RIT2: variants seen among roughly 807,000 people sequenced by gnomAD.
RIT2 encodes the protein GTP-binding protein Rit2.
RIT2 carries 24 observed loss-of-function variants against 23.7 expected under a neutral mutation model. The ratio of observed to expected loss-of-function variants is 1.01; its 90% CI spans 0.73 to 1.43. The LOEUF (loss-of-function observed/expected upper bound fraction) is 1.43, where lower values mean the gene tolerates loss of function less well. Among genes scored for constraint, RIT2 ranks in the 40% most tolerant of loss-of-function variants. The pLI, the probability that RIT2 is intolerant of heterozygous loss-of-function variation, is 0.00. For missense variants in RIT2, 236 were observed against 266.9 expected (o/e 0.88, Z 0.81); for synonymous variants, 107 against 91.1 (o/e 1.17, Z -0.99).
chr18:42,882,808 T>A (rs1907927851), intron 4 of RIT2, among the ~76,000 whole-genome samples: 1 of 152,184 alleles, frequency 6.6e-6, no homozygotes, highest in Non-Finnish European at 1.5e-5. Flanking sequence ...ATCTCAGAAT[T>A]GCTCCTACAG....
intron 1 of RIT2, among the ~76,000 whole-genome samples, chr18:43,054,468 T>C (rs1386484577): frequency 6.6e-6 from 1 of 152,096 alleles, no homozygotes; most frequent in Admixed American, 6.6e-5. Flanking sequence ...GTGGTCTATA[T>C]GGACTCAAGA....
At chr18:42,837,153 CTTT>C (rs570701535) in intron 4 of RIT2, among the ~76,000 whole-genome samples, 8 of 51,702 alleles carry the variant, frequency 1.5e-4, no homozygotes, top group South Asian at 9.2e-4. Flanking sequence ...TTTTCTTTTT[CTTT>C]TTTTTTTTTT....
intron 4 of RIT2, among the ~76,000 whole-genome samples, chr18:42,797,092 G>C (rs1221953876): frequency 6.6e-6 from 1 of 152,128 alleles, no homozygotes; most frequent in East Asian, 1.9e-4. Context: ...TATCTACAGA[G>C]AGCATCTATA....
chr18:42,839,200 T>C (rs1180686718), intron 4 of RIT2, among the ~76,000 whole-genome samples: 3 of 152,106 alleles, frequency 2.0e-5, no homozygotes, highest in African/African-American at 7.2e-5. Context: ...TGACCTCCAT[T>C]AGAGGGCCAT....
At chr18:42,868,562 A>G (rs2144059683) in intron 4 of RIT2, among the ~76,000 whole-genome samples, 1 of 152,358 alleles carries the variant, frequency 6.6e-6, no homozygotes, top group East Asian at 1.9e-4. Flanking sequence ...TGCTTGTTAG[A>G]TGCTAGGCAG....
At chr18:42,862,421 A>G (rs1907354104) in intron 4 of RIT2, among the ~76,000 whole-genome samples, 1 of 152,216 alleles carries the variant, frequency 6.6e-6, no homozygotes, top group Non-Finnish European at 1.5e-5. Flanking sequence ...AGTTCTTTAT[A>G]GCATGTGAAA....
chr18:42,870,362 T>G (rs1482169590), intron 4 of RIT2, among the ~76,000 whole-genome samples: 1 of 152,094 alleles, frequency 6.6e-6, no homozygotes, highest in East Asian at 1.9e-4. Context: ...TGCCTCAGCC[T>G]CCCACGTAGC....
intron 4 of RIT2, among the ~76,000 whole-genome samples, chr18:42,902,109 G>C (rs1361975291): frequency 6.6e-6 from 1 of 151,704 alleles, no homozygotes; most frequent in Non-Finnish European, 1.5e-5. Flanking sequence ...ATCATGTAAT[G>C]AGTACATTGT....
chr18:42,843,492 A>G (rs1906824647), intron 4 of RIT2, among the ~76,000 whole-genome samples: 1 of 152,198 alleles, frequency 6.6e-6, no homozygotes, highest in South Asian at 2.1e-4. Flanking sequence ...CCAGGGTGTG[A>G]CCACCTGTCT....
At chr18:42,913,925 A>C (rs1908838333) in intron 4 of RIT2, among the ~76,000 whole-genome samples, 1 of 152,138 alleles carries the variant, frequency 6.6e-6, no homozygotes, top group African/African-American at 2.4e-5. Flanking sequence ...TTCACCATGT[A>C]TAATTTTACA....
intron 4 of RIT2, among the ~76,000 whole-genome samples, chr18:42,893,926 A>G (rs754644510): frequency 3.3e-5 from 5 of 152,238 alleles, no homozygotes; most frequent in Non-Finnish European, 7.3e-5. Context: ...TGAAATGTGA[A>G]TGAGCAATAG....
intron 4 of RIT2, among the ~76,000 whole-genome samples, chr18:42,833,856 T>A (rs1408607718): frequency 6.6e-6 from 1 of 151,918 alleles, no homozygotes; most frequent in Non-Finnish European, 1.5e-5. Flanking sequence ...TAAAATAAAA[T>A]AAAAACACAG....
chr18:42,891,055 A>G (rs1908159351), intron 4 of RIT2, among the ~76,000 whole-genome samples: 1 of 152,178 alleles, frequency 6.6e-6, no homozygotes, highest in African/African-American at 2.4e-5. Context: ...TAAACTAAAA[A>G]TAGATCATCA....
At chr18:42,812,000 T>C (rs1905865416) in intron 4 of RIT2, among the ~76,000 whole-genome samples, 1 of 152,066 alleles carries the variant, frequency 6.6e-6, no homozygotes, top group Non-Finnish European at 1.5e-5. Context: ...ATAAAGAAGA[T>C]ACTTGGAAGC....
chr18:42,949,799 T>C (rs1909807191), intron 3 of RIT2, among the ~76,000 whole-genome samples: 1 of 151,190 alleles, frequency 6.6e-6, no homozygotes, highest in Non-Finnish European at 1.5e-5. Context: ...TTTGGTTGAA[T>C]AAAAAAAAAT....
intron 2 of RIT2, among the ~76,000 whole-genome samples, chr18:42,997,900 G>C (rs1002866027): frequency 3.9e-5 from 6 of 152,120 alleles, no homozygotes; most frequent in Non-Finnish European, 8.8e-5. Context: ...CATTGACATA[G>C]AGTTATTTTT....
chr18:42,860,797 G>A (rs146281717), intron 4 of RIT2, among the ~76,000 whole-genome samples: 54 of 152,238 alleles, frequency 3.5e-4, no homozygotes, highest in Non-Finnish European at 6.3e-4. Flanking sequence ...ATGATCCAAA[G>A]AGAAAAAATG....
chr18:43,056,895 A>G (rs1912515282), intron 1 of RIT2, among the ~76,000 whole-genome samples: 2 of 152,064 alleles, frequency 1.3e-5, no homozygotes, highest in Admixed American at 6.6e-5. Context: ...CTGCTTCCTT[A>G]CTCTTGCCCC....
At chr18:43,086,169 A>T (rs1404224868) in intron 1 of RIT2, among the ~76,000 whole-genome samples, 1 of 152,132 alleles carries the variant, frequency 6.6e-6, no homozygotes, top group Non-Finnish European at 1.5e-5. Flanking sequence ...CCCAAAACCC[A>T]AAATATGTTA....
Sources: gnomAD v4.1 joint callset for allele counts (sites outside exome capture counted in the v4.1 genomes callset) on GRCh38, gnomAD v4.1.1 for gene constraint, MANE v1.5 for transcripts, NCBI Gene and HGNC (gene_info 2026-07-23, HGNC 2026-07-21) for gene names.